Variants in MOCOS observed in about 807,000 individuals in gnomAD.
MOCOS encodes the protein human molybdenum cofactor sulfurase.
A neutral mutation model predicts 83.6 loss-of-function variants in MOCOS; 86 were observed. The observed-to-expected ratio is 1.03, with a 90% CI of 0.86 to 1.23. The LOEUF (loss-of-function observed/expected upper bound fraction) is 1.23. MOCOS is among the 50% of genes most tolerant of loss of function. MOCOS has a pLI of 0.00. For missense variants in MOCOS, 1,120 were observed against 1,126.9 expected (o/e 0.99, Z 0.09); for synonymous variants, 445 against 434.7 (o/e 1.02, Z -0.29).
At chr18:36,217,190 C>A (rs2091479028) in intron 8 of MOCOS, among the ~76,000 whole-genome samples, 1 of 152,044 alleles carries the variant, frequency 6.6e-6, no homozygotes, top group Non-Finnish European at 1.5e-5. Flanking sequence ...GGGGTTATGT[C>A]AGAGAGTGTC....
In MOCOS at chr18:36,200,313, G is replaced by A. The variant is rs780099735; in HGVS notation, c.930G>A (p.Ser310=). Residue 310 remains serine, a synonymous_variant, in exon 4 of 15, where the codon TCG becomes TCA. Transcript: ENST00000261326. ...AAGACTTCTACATCCCGAGGCAGTCGGTAGCTCAGAGGTAACCTTGCCACA... is the reference window on the plus strand; with the variant it reads ...AAGACTTCTACATCCCGAGGCAGTCAGTAGCTCAGAGGTAACCTTGCCACA... ...AGEDFYIPRQ[S]VAQRFEDGTI... The A allele has an allele frequency of 6.0e-5, 97 of 1,613,862 alleles. No homozygotes were observed. The highest frequency in any genetic ancestry group is 3.3e-4 in the Middle Eastern group (2 of 6,084).
In MOCOS at chr18:36,206,841, C is replaced by G. The variant is rs114022823; in HGVS notation, c.1218+1565C>G. On this transcript the variant is annotated intron_variant, in intron 6 of 14. Coordinates refer to ENST00000261326, the MANE Select transcript of MOCOS (RefSeq NM_017947.4). ...TCATTTTTTTGTGGCTGTGTAGTAT[C>G]CCAGGGTGTAAATGTACCACATTTC... Among the ~76,000 whole-genome samples the G allele has an allele frequency of 6.7e-3, 1,022 of 152,196 alleles. 12 individuals are homozygous for G. Among genetic ancestry groups the G allele is most frequent in the African/African-American group, 0.023 (968 of 41,520 alleles).
intron 13 of MOCOS, among the ~76,000 whole-genome samples, chr18:36,260,383 CAGTTTCGCA>C (rs1371202789): frequency 6.6e-6 from 1 of 152,198 alleles, no homozygotes. Context: ...TGGTAGCAGT[CAGTTTCGCA>C]CACACCACAG....
chr18:36,188,919 TC>T (rs1198413538), intron 1 of MOCOS, among the ~76,000 whole-genome samples: 42 of 764 alleles, frequency 0.055, no homozygotes, highest in Non-Finnish European at 0.1. Context: ...TTTCGTATTC[TC>T]TCTCTCTCTC....
At chr18:36,262,688 G>A (rs1293108916) in intron 13 of MOCOS, among the ~76,000 whole-genome samples, 3 of 152,070 alleles carry the variant, frequency 2.0e-5, no homozygotes, top group African/African-American at 7.2e-5. Flanking sequence ...TGGTAGAGAT[G>A]GGATTTCACC....
chr18:36,238,378 C>A (rs1320595148), intron 9 of MOCOS, among the ~76,000 whole-genome samples: 1 of 150,992 alleles, frequency 6.6e-6, no homozygotes, highest in Non-Finnish European at 1.5e-5. Flanking sequence ...TTTCTGCCTT[C>A]ATTTCGTTAT....
intron 12 of MOCOS, 79 bp from the exon 13 acceptor site, chr18:36,259,958 G>T (rs2091657420): frequency 6.4e-7 from 1 of 1,573,078 alleles, no homozygotes; most frequent in Admixed American, 1.7e-5. Context: ...GTGTTACATG[G>T]CAGGCATGAT....
chr18:36,251,140 T>G lies in MOCOS; in HGVS notation c.2040-19T>G. The G allele has an allele frequency of 1.3e-6, 2 of 1,595,254 alleles. No homozygotes were observed. Among genetic ancestry groups the G allele is most frequent in the Non-Finnish European group, 1.7e-6 (2 of 1,163,988 alleles). On this transcript the variant is annotated intron_variant, in intron 10 of 14. Transcript: ENST00000261326. Reference sequence around the variant, plus strand: ...AAATACTATGTAACAGTTCACTCTTTCTCTCTCTCTTTTGCCAGAGTAAGT... The same window carrying G: ...AAATACTATGTAACAGTTCACTCTTGCTCTCTCTCTTTTGCCAGAGTAAGT...
chr18:36,248,924 A>T lies in MOCOS; in HGVS notation c.1963A>T (p.Met655Leu). ...TGTTTTTAACCTTTGTTCATTAGGG[A>T]TGGAGCCTATAGAGGTGCCTCTTGA... ...QRIMVIKAKG[M>L]EPIEVPLEEN... The change falls in exon 10 of 15, where the codon ATG becomes TTG. Residue 655 changes from methionine to leucine, a missense_variant and splice_region_variant. Physicochemically the swap from Met to Leu is conservative, Grantham distance 15. Transcript: ENST00000261326. The T allele has an allele frequency of 6.2e-7, 1 of 1,613,602 alleles. No homozygotes were observed. Among genetic ancestry groups the T allele is most frequent in the East Asian group, 2.2e-5 (1 of 44,882 alleles).
intron 6 of MOCOS, 115 bp from the exon 7 acceptor site, chr18:36,213,251 A>G: frequency 1.2e-6 from 1 of 827,112 alleles, no homozygotes; most frequent in South Asian, 1.4e-5. Context: ...GGACAATTCC[A>G]GGCTTGTATC....
In MOCOS at chr18:36,248,950, G is replaced by C; in HGVS notation, c.1989G>C (p.Glu663Asp). 2 of 1,614,138 alleles carry C rather than the reference G, an allele frequency of 1.2e-6. No homozygotes were observed. Among genetic ancestry groups the C allele is most frequent in the Non-Finnish European group, 1.7e-6 (2 of 1,180,016 alleles). The stretch of plus-strand genomic sequence containing the variant: ...TGGAGCCTATAGAGGTGCCTCTTGA[G>C]GAAAATAGTGAACGGACTCAGATTC... Reference protein sequence around the residue: ...KGMEPIEVPLEENSERTQIRQ... With the variant: ...KGMEPIEVPLDENSERTQIRQ... Residue 663 changes from glutamate (E) to aspartate (D), a missense_variant, in exon 10 of 15, where the codon GAG becomes GAC. Coordinates refer to ENST00000261326, the MANE Select transcript of MOCOS (RefSeq NM_017947.4).
chr18:36,266,409 T>A (rs1598598188), intron 13 of MOCOS, among the ~76,000 whole-genome samples: 1 of 152,138 alleles, frequency 6.6e-6, no homozygotes, highest in Non-Finnish European at 1.5e-5. Context: ...GTGTTGGGAT[T>A]ACAGGTGTGA....
At chr18:36,240,946 A>T (rs2091579878) in intron 9 of MOCOS, among the ~76,000 whole-genome samples, 1 of 151,700 alleles carries the variant, frequency 6.6e-6, no homozygotes, top group South Asian at 2.1e-4. Flanking sequence ...GAACTCCCTG[A>T]CCCCTTGTGC....
chr18:36,197,955 TC>T (rs2091396206), intron 2 of MOCOS, among the ~76,000 whole-genome samples: 1 of 152,236 alleles, frequency 6.6e-6, no homozygotes, highest in South Asian at 2.1e-4. Flanking sequence ...ACTTTCTGTA[TC>T]TCTACAATTC....
rs1262495792 is a variant in MOCOS, at chr18:36,199,810, A to AGT, written c.428_429dup (p.Arg144ValfsTer13). On this transcript the variant is annotated frameshift_variant, in exon 4 of 15. Transcript: ENST00000261326. LOFTEE classifies it high-confidence loss of function. The stretch of plus-strand genomic sequence containing the variant: ...GTCCCAGGGCCCAGAGAGCAGTGGG[A>AGT]GTCGCTTCTGTTACCTCACCGACAG... 6.2e-7 allele frequency: 1 copy of AGT among 1,614,114 alleles called. No homozygotes were observed. Among genetic ancestry groups the AGT allele is most frequent in the South Asian group, 1.1e-5 (1 of 91,066 alleles).
Position 36,189,333 on chromosome 18 carries a change from T to C in MOCOS, c.142+1652T>C, listed in dbSNP as rs1276885700. ...CATCTTTTATTTAATGCAAGTTCCT[T>C]GTATTTCCTCTACATTACGGTTAAA... On this transcript the variant is annotated intron_variant, in intron 1 of 14. Coordinates refer to ENST00000261326, the MANE Select transcript of MOCOS (RefSeq NM_017947.4). Among the ~76,000 whole-genome samples, 4 of 152,278 alleles carry C rather than the reference T, an allele frequency of 2.6e-5. No homozygotes were observed. The East Asian group carries it at 7.7e-4, about 29-fold the overall frequency.
At position 36,229,337 on chromosome 18, in the gene MOCOS, TTGTC is replaced by T. The variant is rs537960599; in HGVS notation, c.1960+9123_1960+9126del. Reference sequence around the variant, plus strand: ...AATAGTTTGAATATATCATTCTACTTTGTCTGGCCTACAAAATTTCTGCTGAAAA... The same window carrying T: ...AATAGTTTGAATATATCATTCTACTTTGGCCTACAAAATTTCTGCTGAAAA... On this transcript the variant is annotated intron_variant, in intron 9 of 14. Transcript: ENST00000261326. Among the ~76,000 whole-genome samples the T allele has an allele frequency of 1.3e-3, 201 of 152,310 alleles. 1 individual carries two copies. Among genetic ancestry groups the T allele is most frequent in the African/African-American group, 4.4e-3 (183 of 41,572 alleles).
At chr18:36,189,455 C>T (rs77804179) in intron 1 of MOCOS, among the ~76,000 whole-genome samples, 10,426 of 152,038 alleles carry the variant, frequency 0.069, 430 homozygotes, top group Non-Finnish European at 0.095. Flanking sequence ...AGAGAGAGGG[C>T]GGGAAAAAAC....
In MOCOS at chr18:36,215,873, C is replaced by A. The variant is rs1422643134; in HGVS notation, c.1693C>A (p.Pro565Thr). 1 of 1,614,092 alleles carries A rather than the reference C, an allele frequency of 6.2e-7. No homozygotes were observed. Among genetic ancestry groups the A allele is most frequent in the Non-Finnish European group, 8.5e-7 (1 of 1,180,032 alleles). ...PPVCDVARTQPTPSEKAAGVL... is the reference protein window; with the variant it reads ...PPVCDVARTQTTPSEKAAGVL... ...TGTGTGTGATGTCGCCAGAACCCAG[C>A]CGACTCCTTCAGAGAAAGCTGCAGG... is the stretch of plus-strand genomic sequence containing the variant. The change falls in exon 8 of 15, where the codon CCG (proline) becomes ACG (threonine). Residue 565 changes from proline to threonine, a missense_variant. Physicochemically the swap from Pro to Thr is conservative, Grantham distance 38. Coordinates refer to ENST00000261326, the MANE Select transcript of MOCOS (RefSeq NM_017947.4).
Sources: gnomAD v4.1 joint callset for allele counts (sites outside exome capture counted in the v4.1 genomes callset) on GRCh38, gnomAD v4.1.1 for gene constraint, MANE v1.5 for transcripts, NCBI Gene and HGNC (gene_info 2026-07-23, HGNC 2026-07-21) for gene names.